Variants in CNTNAP4 observed in about 807,000 individuals in gnomAD.
The protein encoded by CNTNAP4 is contactin-associated protein-like 4.
CNTNAP4 carries 98 observed loss-of-function variants against 148.4 expected under a neutral mutation model. That is an observed-to-expected ratio of 0.66 (90% CI 0.56 to 0.78). The LOEUF (loss-of-function observed/expected upper bound fraction) is 0.78. Among genes scored for constraint, CNTNAP4 ranks in the 30% least tolerant of loss-of-function variants. The pLI is 0.00. For missense variants in CNTNAP4, 1,935 were observed against 1,565.6 expected (o/e 1.24, Z -3.98); for synonymous variants, 730 against 565.1 (o/e 1.29, Z -4.14).
intron 7 of CNTNAP4, among the ~76,000 whole-genome samples, chr16:76,452,254 C>T (rs2080520303): frequency 6.6e-6 from 1 of 151,952 alleles, no homozygotes; most frequent in African/African-American, 2.4e-5. Flanking sequence ...TGTTTTATTC[C>T]AATGTGTATT....
intron 4 of CNTNAP4, among the ~76,000 whole-genome samples, chr16:76,436,971 A>ATCTATCTATCTATCTC (rs2079852630): frequency 6.7e-6 from 1 of 149,622 alleles, no homozygotes; most frequent in East Asian, 2.0e-4. Context: ...ATATCTATCT[A>ATCTATCTATCTATCTC]TCTATCTATC....
At chr16:76,538,635 A>G (rs2084322130) in intron 19 of CNTNAP4, among the ~76,000 whole-genome samples, 1 of 151,998 alleles carries the variant, frequency 6.6e-6, no homozygotes, top group Non-Finnish European at 1.5e-5. Flanking sequence ...ACTATTCCAT[A>G]TGGCTATCAA....
intron 2 of CNTNAP4, among the ~76,000 whole-genome samples, chr16:76,332,163 G>T (rs1458547279): frequency 1.3e-5 from 2 of 152,162 alleles, no homozygotes; most frequent in Non-Finnish European, 2.9e-5. Flanking sequence ...TGATTGTAAT[G>T]TGTCTCAGTG....
chr16:76,509,472 A>G (rs1163715045), intron 15 of CNTNAP4, among the ~76,000 whole-genome samples: 1 of 98,194 alleles, frequency 1.0e-5, no homozygotes, highest in Non-Finnish European at 2.9e-5. Flanking sequence ...AAAATTGAGA[A>G]AGAAAACACC....
intron 17 of CNTNAP4, among the ~76,000 whole-genome samples, chr16:76,532,201 A>G (rs1436641945): frequency 6.6e-6 from 1 of 152,248 alleles, no homozygotes; most frequent in Non-Finnish European, 1.5e-5. Flanking sequence ...TCCAAAGATG[A>G]GCTGATGCAT....
intron 8 of CNTNAP4, among the ~76,000 whole-genome samples, chr16:76,458,599 G>A (rs907845048): frequency 6.6e-6 from 1 of 151,946 alleles, no homozygotes; most frequent in Admixed American, 6.6e-5. Flanking sequence ...TTCACAATAG[G>A]GTTCGAACTC....
intron 11 of CNTNAP4, 75 bp from the exon 12 acceptor site, chr16:76,479,344 G>C (rs1431712786): frequency 7.7e-7 from 1 of 1,306,130 alleles, no homozygotes; most frequent in Admixed American, 2.5e-5. Context: ...AAGATTTGCG[G>C]TATTTCATGT....
At position 76,340,210 on chromosome 16, in the gene CNTNAP4, G is replaced by A. The variant is rs1168737577; in HGVS notation, c.197-15108G>A. ...AAGGGACTGGTTATTTAAGAGGCAC[G>A]TATTAAAGATCTCTAGGAAGGGAAG... On this transcript the variant is annotated intron_variant, in intron 2 of 23. Transcript: ENST00000611870. 2.6e-5 allele frequency among the ~76,000 whole-genome samples: 4 copies of A among 152,086 alleles called. No homozygotes were observed. In the South Asian group the frequency reaches 6.2e-4, roughly 24 times the overall value.
At chr16:76,325,296 A>G (rs1031139301) in intron 2 of CNTNAP4, among the ~76,000 whole-genome samples, 3 of 152,202 alleles carry the variant, frequency 2.0e-5, no homozygotes, top group African/African-American at 7.2e-5. Flanking sequence ...TGTGTAATGT[A>G]TATTTATATA....
At chr16:76,522,646 T>TTCCTTC (rs2083511010) in intron 17 of CNTNAP4, among the ~76,000 whole-genome samples, 1 of 93,560 alleles carries the variant, frequency 1.1e-5, no homozygotes, top group Admixed American at 1.1e-4. Flanking sequence ...TCTTTCTTTC[T>TTCCTTC]TTTCTCTCTT....
At chr16:76,406,950 CT>C (rs113071761) in intron 3 of CNTNAP4, among the ~76,000 whole-genome samples, 2,238 of 152,230 alleles carry the variant, frequency 0.015, 35 homozygotes, top group African/African-American at 0.045. Flanking sequence ...GGTGGCTACA[CT>C]AAACAACAGA....
At chr16:76,306,455 C>G (rs1276589239) in intron 1 of CNTNAP4, among the ~76,000 whole-genome samples, 4 of 152,102 alleles carry the variant, frequency 2.6e-5, no homozygotes, top group African/African-American at 9.7e-5. Context: ...TGCAATAAAA[C>G]ATGATTGGCT....
At position 76,522,165 on chromosome 16, in the gene CNTNAP4, C is replaced by T; in HGVS notation, c.2663C>T (p.Ala888Val). ...HVRVERNMKEASLQVDQLTPK... is the reference protein window; with the variant it reads ...HVRVERNMKEVSLQVDQLTPK... ...AGGGTTGAAAGGAACATGAAGGAGG[C>T]CTCCCTTCAAGTGGATCAGCTGACA... is the stretch of plus-strand genomic sequence containing the variant. Residue 888 changes from alanine to valine, a missense_variant, in exon 17 of 24, where the codon GCC (alanine) becomes GTC (valine). Physicochemically the swap from Ala to Val is moderately conservative, Grantham distance 64. Transcript: ENST00000611870. 1 of 1,613,938 alleles carries T rather than the reference C, an allele frequency of 6.2e-7. No individual in the cohort carries two copies. The highest frequency in any genetic ancestry group is 8.5e-7 in the Non-Finnish European group (1 of 1,179,874).
At chr16:76,460,766 A>T (rs1449501772) in intron 8 of CNTNAP4, among the ~76,000 whole-genome samples, 2 of 75,968 alleles carry the variant, frequency 2.6e-5, no homozygotes, top group African/African-American at 8.2e-5. Flanking sequence ...AAAAAAAAAA[A>T]AAAAAAAATA....
At chr16:76,534,185 TGTA>T (rs958452579) in intron 17 of CNTNAP4, among the ~76,000 whole-genome samples, 1 of 152,220 alleles carries the variant, frequency 6.6e-6, no homozygotes, top group Non-Finnish European at 1.5e-5. Flanking sequence ...CCCATTTCTA[TGTA>T]TATTGTGGTT....
intron 3 of CNTNAP4, among the ~76,000 whole-genome samples, chr16:76,410,035 G>A (rs1229630161): frequency 6.6e-6 from 1 of 151,814 alleles, no homozygotes. Context: ...CTGAGGTTTA[G>A]GAATCTGATT....
intron 2 of CNTNAP4, among the ~76,000 whole-genome samples, chr16:76,341,697 G>A (rs757441618): frequency 4.8e-4 from 73 of 152,010 alleles, no homozygotes; most frequent in Non-Finnish European, 8.8e-4. Flanking sequence ...GCTTTCAAAG[G>A]AAAGATCAGA....
At chr16:76,454,627 C>T (rs898949284) in intron 8 of CNTNAP4, among the ~76,000 whole-genome samples, 6 of 152,048 alleles carry the variant, frequency 3.9e-5, no homozygotes, top group African/African-American at 1.4e-4. Context: ...TTGCTAGTTC[C>T]CGTGAAGCAA....
intron 4 of CNTNAP4, among the ~76,000 whole-genome samples, chr16:76,431,848 T>C (rs183846670): frequency 1.5e-3 from 228 of 152,202 alleles, no homozygotes; most frequent in African/African-American, 5.2e-3. Flanking sequence ...GAAGGGGCTG[T>C]CATTTACTAA....
Sources: allele counts gnomAD v4.1 joint callset (sites outside exome capture counted in the v4.1 genomes callset), GRCh38; gene constraint gnomAD v4.1.1; transcripts MANE v1.5; gene names NCBI Gene and HGNC (gene_info 2026-07-23, HGNC 2026-07-21).